The following COA1 variants were observed in gnomAD, a reference collection of about 807,000 sequenced individuals.
The protein encoded by COA1 is cytochrome c oxidase assembly factor 1 homolog.
In COA1, 13 loss-of-function variants were observed where a neutral mutation model predicts 16.0. The ratio of observed to expected loss-of-function variants is 0.81; its 90% CI spans 0.53 to 1.29. The LOEUF is 1.29. Among genes scored for constraint, COA1 ranks in the 50% most tolerant of loss-of-function variants. The pLI, the probability that COA1 is intolerant of heterozygous loss-of-function variation, is 0.00. For synonymous variants in COA1, 65 were observed against 65.7 expected (o/e 0.99, Z 0.05); for missense variants, 179 against 177.0 (o/e 1.01, Z -0.06).
At chr7:43,644,949 C>A (rs979466241) in intron 4 of COA1, among the ~76,000 whole-genome samples, 1 of 151,970 alleles carries the variant, frequency 6.6e-6, no homozygotes, top group Non-Finnish European at 1.5e-5. Flanking sequence ...AGCAAACCAC[C>A]ACTGGTCATT....
chr7:43,685,334 G>A (rs541941444), intron 1 of COA1, among the ~76,000 whole-genome samples: 3 of 152,114 alleles, frequency 2.0e-5, no homozygotes, highest in Non-Finnish European at 4.4e-5. Context: ...ACCATCATCT[G>A]GTGTCCAACA....
At chr7:43,636,207 A>G (rs1753344593), downstream of COA1, among the ~76,000 whole-genome samples, 1 of 152,166 alleles carries the variant, frequency 6.6e-6, no homozygotes, top group Non-Finnish European at 1.5e-5. Flanking sequence ...CACATTCCTG[A>G]CAGTGCTTTC....
At chr7:43,623,604 A>G (rs114472894) in intron 6 of COA1, 3 of 1,611,554 alleles carry the variant, frequency 1.9e-6, no homozygotes, top group East Asian at 2.2e-5. Context: ...TCCTATAAGC[A>G]TGGCAACAGA....
At chr7:43,723,820 G>A (rs536646346) in intron 1 of COA1, among the ~76,000 whole-genome samples, 16 of 152,224 alleles carry the variant, frequency 1.1e-4, no homozygotes, top group Non-Finnish European at 2.1e-4. Flanking sequence ...CCAACTACTT[G>A]AGGGGCTAAA....
At chr7:43,669,478 G>A (rs1462955672) in intron 1 of COA1, among the ~76,000 whole-genome samples, 1 of 152,082 alleles carries the variant, frequency 6.6e-6, no homozygotes, top group Non-Finnish European at 1.5e-5. Context: ...CATATGTGTA[G>A]AGCATCATGG....
At chr7:43,616,321 T>C (rs1393175854) in intron 6 of COA1, among the ~76,000 whole-genome samples, 3 of 152,170 alleles carry the variant, frequency 2.0e-5, no homozygotes, top group Non-Finnish European at 2.9e-5. Context: ...CAGTAGGGCG[T>C]TCTTATTGCT....
rs2088709809 is a variant in COA1, at chr7:43,644,817, G to GAGAGAGAGAC, written c.264+433_264+434insGTCTCTCTCT. 6.3e-5 allele frequency among the ~76,000 whole-genome samples: 8 copies of GAGAGAGAGAC among 126,738 alleles called. 1 individual carries two copies. Among genetic ancestry groups the GAGAGAGAGAC allele is most frequent in the Admixed American group, 1.5e-4 (2 of 13,002 alleles). 83.1% of individuals were successfully genotyped at this position (126,738 alleles called of 152,430 possible). On this transcript the variant is annotated intron_variant, in intron 4 of 5. Transcript: ENST00000223336. Reference sequence around the variant, plus strand: ...AGAGAGACAGAGAGAGAGAGAGAGAGAGAGAGAGAGAGAGAGACAGGGTCT... The same window carrying GAGAGAGAGAC: ...AGAGAGACAGAGAGAGAGAGAGAGAGAGAGAGAGACAGAGAGAGAGAGAGAGACAGGGTCT...
intron 1 of COA1, among the ~76,000 whole-genome samples, chr7:43,667,025 G>A (rs2092934935): frequency 6.6e-6 from 1 of 152,172 alleles, no homozygotes; most frequent in South Asian, 2.1e-4. Flanking sequence ...AATTGGTTAT[G>A]ATTAGAAGCA....
chr7:43,667,321 A>G (rs1327666182), intron 1 of COA1, among the ~76,000 whole-genome samples: 1 of 152,232 alleles, frequency 6.6e-6, no homozygotes, highest in Non-Finnish European at 1.5e-5. Context: ...ACATTCAGAA[A>G]AGAGGTAAAA....
In COA1 at chr7:43,677,380, T is replaced by G. The variant is rs117355591; in HGVS notation, c.-38-28728A>C. The stretch of plus-strand genomic sequence containing the variant: ...TAATATATGTGGTGTATGAACTTAT[T>G]TAATGACCAAAAAAGGAAAAATTAT... On this transcript the variant is annotated intron_variant, in intron 1 of 5. Transcript: ENST00000223336. Among the ~76,000 whole-genome samples the G allele has an allele frequency of 9.9e-4, 151 of 152,296 alleles. 2 individuals are homozygous for G. In the East Asian group the frequency reaches 0.017, roughly 17 times the overall value.
intron 2 of COA1, 135 bp from the exon 3 acceptor site, chr7:43,647,769 T>C (rs906727258): frequency 1.5e-6 from 1 of 665,982 alleles, no homozygotes; most frequent in African/African-American, 1.8e-5. Context: ...CCTCATTTGC[T>C]TCCTTTCCAA....
In COA1 at chr7:43,725,272, G is replaced by A. The variant is rs978988658; in HGVS notation, c.-39+4157C>T. Among the ~76,000 whole-genome samples the A allele has an allele frequency of 7.9e-5, 12 of 151,858 alleles. No individual in the cohort carries two copies. The East Asian group carries it at 2.3e-3, about 29-fold the overall frequency. On this transcript the variant is annotated intron_variant, in intron 1 of 5. Transcript: ENST00000223336. ...AAAAAGAAAAAGAAAAAAGTGTTCT[G>A]GAGATAGATGGTGGTTATGGTTACA...
At chr7:43,690,424 T>C (rs1563377425) in intron 1 of COA1, among the ~76,000 whole-genome samples, 1 of 151,922 alleles carries the variant, frequency 6.6e-6, no homozygotes, top group African/African-American at 2.4e-5. Context: ...CAGACACACA[T>C]ATATATACAC....
At chr7:43,632,569 T>C (rs991610573) in intron 6 of COA1, 2 of 152,232 alleles carry the variant, frequency 1.3e-5, no homozygotes, top group African/African-American at 4.8e-5. Flanking sequence ...ATAACAAGTT[T>C]TGAAAGTCAA....
At chr7:43,687,050 T>C in intron 1 of COA1, among the ~76,000 whole-genome samples, 1 of 152,204 alleles carries the variant, frequency 6.6e-6, no homozygotes, top group East Asian at 1.9e-4. Flanking sequence ...TCATTTCTTT[T>C]CTTCCTTTAT....
chr7:43,711,786 TC>T (rs1435284823), intron 1 of COA1, among the ~76,000 whole-genome samples: 10 of 152,296 alleles, frequency 6.6e-5, no homozygotes, highest in African/African-American at 2.2e-4. Context: ...CATTTGTGTA[TC>T]TAAACACAGA....
chr7:43,615,087 T>A (rs2083221701), intron 6 of COA1, among the ~76,000 whole-genome samples: 1 of 152,236 alleles, frequency 6.6e-6, no homozygotes, highest in African/African-American at 2.4e-5. Flanking sequence ...CATTCAATTA[T>A]GAATATGTAT....
intron 6 of COA1, among the ~76,000 whole-genome samples, chr7:43,629,834 G>C (rs1420384037): frequency 1.3e-5 from 2 of 152,234 alleles, no homozygotes; most frequent in East Asian, 3.8e-4. Flanking sequence ...CAGATTTCCT[G>C]ACTGCTCGTC....
chr7:43,623,385 A>G (rs1183764320), intron 6 of COA1: 1 of 570,966 alleles, frequency 1.8e-6, no homozygotes, highest in African/African-American at 1.9e-5. Context: ...TGTGAAAAGT[A>G]AACAAGTTAA....
Sources: gnomAD v4.1 joint callset for allele counts (sites outside exome capture counted in the v4.1 genomes callset) on GRCh38, gnomAD v4.1.1 for gene constraint, MANE v1.5 for transcripts, NCBI Gene and HGNC (gene_info 2026-07-23, HGNC 2026-07-21) for gene names.